Variants in TAB2 observed in about 807,000 individuals in gnomAD.
The protein encoded by TAB2 is TGF-beta-activated kinase 1 and MAP3K7-binding protein 2.
In TAB2, 3 loss-of-function variants were observed where a neutral mutation model predicts 65.0. The observed-to-expected ratio is 0.05, with a 90% confidence interval of 0.02 to 0.12. The LOEUF (loss-of-function observed/expected upper bound fraction) is 0.12, where lower values mean the gene tolerates loss of function less well. TAB2 is among the 10% of genes least tolerant of loss of function. The probability of loss-of-function intolerance (pLI) is 1.00; values close to 1 mark genes in which losing one functional copy is unlikely to be tolerated. For synonymous variants in TAB2, 298 were observed against 285.1 expected, an observed-to-expected ratio of 1.05 and a Z score of -0.46; for missense variants, 623 against 840.3, an observed-to-expected ratio of 0.74 and a Z score of 3.20.
intron 1 of TAB2, among the ~76,000 whole-genome samples, chr6:149,251,939 A>T (rs375945332): frequency 9.8e-5 from 15 of 152,330 alleles, no homozygotes; most frequent in Admixed American, 3.3e-4. Context: ...AACCATTGAA[A>T]GGAACATGAT....
intron 1 of TAB2, among the ~76,000 whole-genome samples, chr6:149,296,316 C>T (rs1778876068): frequency 6.6e-6 from 1 of 152,172 alleles, no homozygotes; most frequent in South Asian, 2.1e-4. Flanking sequence ...GTTCAAACCC[C>T]ACTCTGAGCA....
intron 1 of TAB2, among the ~76,000 whole-genome samples, chr6:149,255,919 T>A (rs756369835): frequency 3.3e-5 from 5 of 152,168 alleles, no homozygotes; most frequent in Non-Finnish European, 7.3e-5. Flanking sequence ...AACCTCTCAG[T>A]ATACTTCCAA....
chr6:149,326,168 A>G (rs552807642), intron 1 of TAB2, among the ~76,000 whole-genome samples: 1 of 152,214 alleles, frequency 6.6e-6, no homozygotes, highest in South Asian at 2.1e-4. Flanking sequence ...AATAGCATTC[A>G]ATACTAATTA....
chr6:149,252,064 G>A lies in TAB2; in HGVS notation c.-121+33288G>A, dbSNP rs1453498075. On this transcript the variant is annotated intron_variant, in intron 1 of 1. Transcript: ENST00000606202. Reference sequence around the variant, plus strand: ...CATTCAATTTCTTAGAGACTTCCAGGATAAGCAGATACTTGAGCTACAGAC... The same window carrying A: ...CATTCAATTTCTTAGAGACTTCCAGAATAAGCAGATACTTGAGCTACAGAC... Among the ~76,000 whole-genome samples the A allele has an allele frequency of 4.6e-5, 7 of 152,148 alleles. No individual in the cohort carries two copies. In the East Asian group the frequency reaches 5.8e-4, roughly 13 times the overall value.
chr6:149,358,488 A>G (rs1202775187), intron 1 of TAB2, among the ~76,000 whole-genome samples: 1 of 152,130 alleles, frequency 6.6e-6, no homozygotes, highest in Non-Finnish European at 1.5e-5. Flanking sequence ...TACTGCGACT[A>G]ATTAGAAGTT....
At position 149,299,873 on chromosome 6, in the gene TAB2, C is replaced by T. The variant is rs145515681; in HGVS notation, c.-120-78145C>T. ...TTTTTTTTTAACTTAGCCGGCATGG[C>T]GGTTCGTACCTGTAGCCCCAGCTAC... On this transcript the variant is annotated intron_variant, in intron 1 of 1. Transcript: ENST00000606202. Among the ~76,000 whole-genome samples, 35 of 151,194 alleles carry T rather than the reference C, an allele frequency of 2.3e-4. No individual in the cohort carries two copies. The East Asian group carries it at 5.3e-3, about 23-fold the overall frequency.
intron 1 of TAB2, among the ~76,000 whole-genome samples, chr6:149,222,097 T>C (rs1562378004): frequency 1.3e-5 from 2 of 152,194 alleles, no homozygotes; most frequent in Non-Finnish European, 2.9e-5. Context: ...TCACTCTCTC[T>C]AACCCGGAAC....
At chr6:149,357,429 A>AC (rs763974520) in intron 1 of TAB2, among the ~76,000 whole-genome samples, 1,998 of 135,438 alleles carry the variant, frequency 0.015, 85 homozygotes, top group African/African-American at 0.047. Flanking sequence ...GAGAAAAAAA[A>AC]AACACACACA....
chr6:149,250,305 C>A (rs1777832122), intron 1 of TAB2, among the ~76,000 whole-genome samples: 1 of 148,596 alleles, frequency 6.7e-6, no homozygotes, highest in African/African-American at 2.5e-5. Flanking sequence ...ATTCACCAAA[C>A]TTTTTTTTTT....
At chr6:149,298,958 TA>T (rs1778924751) in intron 1 of TAB2, among the ~76,000 whole-genome samples, 1 of 152,260 alleles carries the variant, frequency 6.6e-6, no homozygotes, top group South Asian at 2.1e-4. Context: ...AATTTTGAAT[TA>T]AAAACATGCT....
At chr6:149,330,545 A>G (rs1310919621) in intron 1 of TAB2, among the ~76,000 whole-genome samples, 3 of 152,184 alleles carry the variant, frequency 2.0e-5, no homozygotes, top group Non-Finnish European at 4.4e-5. Context: ...GATGTTGAAC[A>G]TATTTTCATG....
intron 1 of TAB2, among the ~76,000 whole-genome samples, chr6:149,289,349 A>C (rs558408767): frequency 5.9e-4 from 89 of 151,938 alleles, no homozygotes; most frequent in Admixed American, 3.4e-3. Flanking sequence ...AGCTATGTTC[A>C]TGCCACTGCA....
intron 1 of TAB2, among the ~76,000 whole-genome samples, chr6:149,289,102 A>C (rs888284161): frequency 6.6e-6 from 1 of 151,666 alleles, no homozygotes; most frequent in African/African-American, 2.4e-5. Flanking sequence ...CAAGTGATCC[A>C]CCCGCCTCAG....
At chr6:149,236,445 AAAGATTCTAATGCCCT>A (rs1777496743) in intron 1 of TAB2, among the ~76,000 whole-genome samples, 1 of 152,216 alleles carries the variant, frequency 6.6e-6, no homozygotes, top group Non-Finnish European at 1.5e-5. Context: ...TCCTGTTCAC[AAAGATTCTAATGCCCT>A]TTTACCATTC....
chr6:149,410,782 A>G lies in TAB2; in HGVS notation c.*1063A>G, dbSNP rs968087414. On this transcript the variant is annotated 3_prime_UTR_variant, in exon 7 of 7. Coordinates refer to ENST00000637181, the MANE Select transcript of TAB2 (RefSeq NM_001292034.3). ...ATATTTTTAACCCACTGACAGAACA[A>G]CAAGGTTAAGCTTCATCTGCTTGGT... The G allele has an allele frequency of 6.6e-6, 1 of 152,534 alleles. No individual in the cohort carries two copies. Among genetic ancestry groups the G allele is most frequent in the East Asian group, 1.9e-4 (1 of 5,206 alleles). The allele number at this position is 152,534 out of a possible 1,614,324, so 9.4% of individuals were successfully genotyped here.
intron 1 of TAB2, among the ~76,000 whole-genome samples, chr6:149,297,980 A>G (rs1228594122): frequency 3.3e-5 from 5 of 152,186 alleles, no homozygotes; most frequent in Admixed American, 6.5e-5. Context: ...GGGACAATAC[A>G]TTGGATTATG....
At chr6:149,395,088 A>G (rs544892149) in intron 3 of TAB2, among the ~76,000 whole-genome samples, 48 of 152,308 alleles carry the variant, frequency 3.2e-4, no homozygotes, top group African/African-American at 7.2e-4. Context: ...CCTGGCCCCA[A>G]TCTCTGCTAC....
intron 1 of TAB2, among the ~76,000 whole-genome samples, chr6:149,347,724 A>C (rs1780350294): frequency 6.6e-6 from 1 of 152,098 alleles, no homozygotes; most frequent in Admixed American, 6.5e-5. Flanking sequence ...ATAATTTACT[A>C]TAAAAAGTAA....
At chr6:149,314,411 A>G (rs549302045), upstream of TAB2, among the ~76,000 whole-genome samples, 3 of 152,070 alleles carry the variant, frequency 2.0e-5, no homozygotes, top group African/African-American at 4.8e-5. Flanking sequence ...TCCTCTACCT[A>G]CCTTCTGTTA....
Sources: gnomAD v4.1 joint callset for allele counts (sites outside exome capture counted in the v4.1 genomes callset) on GRCh38, gnomAD v4.1.1 for gene constraint, MANE v1.5 for transcripts, NCBI Gene and HGNC (gene_info 2026-07-23, HGNC 2026-07-21) for gene names.